Variants in FILIP1 observed in about 807,000 individuals in gnomAD.
FILIP1 encodes the protein filamin A interacting protein 1.
Under a neutral mutation model 102.1 loss-of-function variants are expected in FILIP1, and 61 were observed. That is an observed-to-expected ratio of 0.60 (90% confidence interval 0.49 to 0.74). FILIP1 has a LOEUF of 0.74. Among genes scored for constraint, FILIP1 ranks in the 30% least tolerant of loss-of-function variants. FILIP1 has a pLI of 0.00. For synonymous variants in FILIP1, 491 were observed against 526.9 expected (o/e 0.93, Z 0.93); for missense variants, 1,314 against 1,441.2 (o/e 0.91, Z 1.43).
chr6:75,322,765 C>T (rs956607851), intron 4 of FILIP1, among the ~76,000 whole-genome samples: 44 of 152,156 alleles, frequency 2.9e-4, no homozygotes, highest in African/African-American at 1.1e-3. Context: ...GCCATCTTGG[C>T]TCACTGTAAC....
chr6:75,334,509 C>G (rs948435730), intron 4 of FILIP1: 16 of 152,156 alleles, frequency 1.1e-4, no homozygotes, highest in African/African-American at 3.6e-4. Flanking sequence ...ATGTCCAAAC[C>G]CAGCTTCCAA....
At chr6:75,369,152 C>T (rs970704145) in intron 2 of FILIP1, among the ~76,000 whole-genome samples, 12 of 152,146 alleles carry the variant, frequency 7.9e-5, no homozygotes, top group Middle Eastern at 3.2e-3. Flanking sequence ...TATTATTAGT[C>T]CCTGACCTTT....
chr6:75,331,764 CACTACACCTTGT>C (rs1472940460), intron 4 of FILIP1, among the ~76,000 whole-genome samples: 2 of 12,070 alleles, frequency 1.7e-4, no homozygotes, highest in African/African-American at 2.9e-3. Flanking sequence ...CACCCTTGTA[CACTACACCTTGT>C]AAGCTACAAC....
intron 3 of FILIP1, among the ~76,000 whole-genome samples, chr6:75,359,798 C>G (rs1425167413): frequency 6.6e-6 from 1 of 152,128 alleles, no homozygotes; most frequent in African/African-American, 2.4e-5. Context: ...AAGGTCTGAT[C>G]CCTTCTGGGT....
chr6:75,455,984 G>A (rs947178010), intron 1 of FILIP1, among the ~76,000 whole-genome samples: 4 of 152,006 alleles, frequency 2.6e-5, no homozygotes, highest in South Asian at 2.1e-4. Flanking sequence ...ATACCTTGAC[G>A]TCTTTATTTA....
chr6:75,459,670 C>T (rs1778957397), intron 1 of FILIP1, among the ~76,000 whole-genome samples: 1 of 152,134 alleles, frequency 6.6e-6, no homozygotes. Context: ...ATATTAACAT[C>T]TACATTCCCT....
chr6:75,482,793 T>C (rs562834782), intron 1 of FILIP1, among the ~76,000 whole-genome samples: 1 of 152,306 alleles, frequency 6.6e-6, no homozygotes, highest in South Asian at 2.1e-4. Flanking sequence ...CAAGGAAACA[T>C]TATGTTCACT....
chr6:75,331,467 A>C (rs1774078399), intron 4 of FILIP1, among the ~76,000 whole-genome samples: 1 of 152,208 alleles, frequency 6.6e-6, no homozygotes, highest in Admixed American at 6.6e-5. Flanking sequence ...CCCCGTTGTC[A>C]GTGTATTAGG....
At chr6:75,481,874 A>G (rs899684864) in intron 1 of FILIP1, among the ~76,000 whole-genome samples, 4 of 152,204 alleles carry the variant, frequency 2.6e-5, no homozygotes, top group South Asian at 2.1e-4. Context: ...TTCAACTCCT[A>G]TGAAAAAGTG....
At position 75,396,076 on chromosome 6, in the gene FILIP1, T is replaced by C. The variant is rs142382897; in HGVS notation, c.276+18621A>G. Among the ~76,000 whole-genome samples, 279 of 151,924 alleles carry C rather than the reference T, an allele frequency of 1.8e-3. 1 individual carries two copies. Among genetic ancestry groups the C allele is most frequent in the African/African-American group, 6.5e-3 (268 of 41,414 alleles). On this transcript the variant is annotated intron_variant, in intron 2 of 5. Transcript: ENST00000237172. ...TGTCTTTTCTTTAAAATCATTTCCA[T>C]AACACATAATGAAAAAGAATACTCT... is the stretch of plus-strand genomic sequence containing the variant.
intron 2 of FILIP1, among the ~76,000 whole-genome samples, chr6:75,400,680 GCCC>G (rs1222394063): frequency 6.6e-6 from 1 of 152,010 alleles, no homozygotes; most frequent in Non-Finnish European, 1.5e-5. Context: ...AAGTTTCCAG[GCCC>G]CCCAACAGTC....
chr6:75,341,100 A>G (rs1774406661), intron 4 of FILIP1, among the ~76,000 whole-genome samples: 1 of 151,758 alleles, frequency 6.6e-6, no homozygotes, highest in African/African-American at 2.4e-5. Flanking sequence ...AAAAGTTGAT[A>G]TTAGGATTAC....
chr6:75,328,679 G>T (rs1418364448), intron 4 of FILIP1, among the ~76,000 whole-genome samples: 1 of 152,098 alleles, frequency 6.6e-6, no homozygotes, highest in Non-Finnish European at 1.5e-5. Flanking sequence ...AGTAGAGATG[G>T]GGTTTCACAT....
At chr6:75,400,259 CT>C (rs1399656074) in intron 2 of FILIP1, among the ~76,000 whole-genome samples, 1 of 152,112 alleles carries the variant, frequency 6.6e-6, no homozygotes, top group East Asian at 1.9e-4. Context: ...AAAAATTGAA[CT>C]GGAAATATGC....
Position 75,315,090 on chromosome 6 carries a change from G to A in FILIP1, c.742C>T (p.Leu248Phe). 6.2e-7 allele frequency: 1 copy of A among 1,613,828 alleles called. No individual in the cohort carries two copies. Among genetic ancestry groups the A allele is most frequent in the Non-Finnish European group, 8.5e-7 (1 of 1,179,920 alleles). Residue 248 changes from leucine (L) to phenylalanine (F), a missense_variant, in exon 5 of 6, where the codon CTC becomes TTC. By Grantham distance (22) the Leu-to-Phe change is conservative (BLOSUM62 0). Around this residue, in one of 3 missense-constraint regions of FILIP1, gnomAD observed 494 missense variants for 511.2 expected, o/e 0.97. Transcript: ENST00000237172. Reference sequence around the variant, plus strand: ...ATTTGTCTTTCATCCACCAGCATGAGTGCAAAGGATTTGAGTTTAACAAGC... The same window carrying A: ...ATTTGTCTTTCATCCACCAGCATGAATGCAAAGGATTTGAGTTTAACAAGC... ...DELVKLKSFALMLVDERQMHI... is the reference protein window; with the variant it reads ...DELVKLKSFAFMLVDERQMHI...
At chr6:75,360,741 C>T (rs1051173941) in intron 3 of FILIP1, 1 of 152,118 alleles carries the variant, frequency 6.6e-6, no homozygotes, top group Non-Finnish European at 1.5e-5. Flanking sequence ...TGGATACCCT[C>T]GCTGGGCCTA....
At chr6:75,371,628 C>T (rs2149625292) in intron 2 of FILIP1, among the ~76,000 whole-genome samples, 1 of 152,114 alleles carries the variant, frequency 6.6e-6, no homozygotes, top group South Asian at 2.1e-4. Flanking sequence ...GACAGACATA[C>T]GATCAATGGA....
chr6:75,328,848 C>G (rs1000656014), intron 4 of FILIP1, among the ~76,000 whole-genome samples: 2 of 152,174 alleles, frequency 1.3e-5, no homozygotes, highest in Non-Finnish European at 2.9e-5. Context: ...CACCTCCAGT[C>G]TCAGCTCCCT....
intron 1 of FILIP1, among the ~76,000 whole-genome samples, chr6:75,426,356 G>A (rs1217630863): frequency 1.3e-5 from 2 of 152,130 alleles, no homozygotes; most frequent in Non-Finnish European, 2.9e-5. Flanking sequence ...GGAAGAACCC[G>A]ACATTCTGTT....
Sources: gnomAD v4.1 joint callset for allele counts (sites outside exome capture counted in the v4.1 genomes callset) on GRCh38, gnomAD v4.1.1 for gene constraint, gnomAD v4.1.1 regional missense constraint, MANE v1.5 for transcripts, NCBI Gene and HGNC (gene_info 2026-07-23, HGNC 2026-07-21) for gene names.